PDZD7: variants seen among roughly 807,000 people sequenced by gnomAD.
PDZD7 encodes the protein PDZ domain-containing protein 7.
A neutral mutation model predicts 84.7 loss-of-function variants in PDZD7; 72 were observed. The ratio of observed to expected loss-of-function variants is 0.85; its 90% CI spans 0.70 to 1.03. The LOEUF (loss-of-function observed/expected upper bound fraction) is 1.03. Ranked by LOEUF, PDZD7 falls within the 50% of genes least tolerant of loss-of-function variation. PDZD7 has a pLI of 0.00. For synonymous variants in PDZD7, 594 were observed against 580.7 expected (o/e 1.02, Z -0.33); for missense variants, 1,490 against 1,412.9 (o/e 1.05, Z -0.87).
At position 101,007,736 on chromosome 10, in the gene PDZD7, C is replaced by T. The variant is rs757650659; in HGVS notation, c.*731G>A. The T allele has an allele frequency of 1.1e-4, 90 of 785,474 alleles. No homozygotes were observed. The highest frequency in any genetic ancestry group is 1.4e-4 in the Non-Finnish European group (86 of 631,088). 48.7% of individuals were successfully genotyped at this position (785,474 alleles called of 1,614,324 possible). Reference sequence around the variant, plus strand: ...TGACCAAGCAGCCTCTCCCTTCACCCAGGTTTATGGCCTCGTTTTCACTTG... The same window carrying T: ...TGACCAAGCAGCCTCTCCCTTCACCTAGGTTTATGGCCTCGTTTTCACTTG... On this transcript the variant is annotated 3_prime_UTR_variant, in exon 17 of 17. Transcript: ENST00000619208.
intron 8 of PDZD7, among the ~76,000 whole-genome samples, 154 bp downstream of exon 8, chr10:101,018,668 G>A (rs891258384): frequency 3.9e-5 from 6 of 152,194 alleles, no homozygotes; most frequent in Non-Finnish European, 7.3e-5. Flanking sequence ...TTAAAGTGGA[G>A]CCCACAGCAG....
In PDZD7 at chr10:101,008,542, T is replaced by C. The variant is rs1336465020; in HGVS notation, c.3027A>G (p.Pro1009=). Residue 1009 remains proline, a synonymous_variant, in exon 17 of 17, where the codon CCA becomes CCG. Coordinates refer to ENST00000619208, the MANE Select transcript of PDZD7 (RefSeq NM_001195263.2). ...CTGGGGAGGGGGCTGGGCTGGGAGT[T>C]GGCTGGAGGAGCCTGGCATCAGTGG... ...TPPTDARLLQ[P]TPSPAPSPAL... 10 of 1,534,774 alleles carry C rather than the reference T, an allele frequency of 6.5e-6. No individual in the cohort carries two copies. The highest frequency in any genetic ancestry group is 7.9e-6 in the Non-Finnish European group (9 of 1,146,456).
intron 1 of PDZD7, 114 bp from the exon 2 acceptor site, chr10:101,030,498 C>T (rs1938070732): frequency 1.7e-6 from 1 of 599,930 alleles, no homozygotes; most frequent in Non-Finnish European, 3.0e-6. Flanking sequence ...CCTTAGGCCC[C>T]CCTCCTGTCT....
rs1491557241 is a variant in PDZD7, at chr10:101,007,887, CCA to C, written c.*578_*579del. On this transcript the variant is annotated 3_prime_UTR_variant, in exon 17 of 17. Transcript: ENST00000619208. ...AGGAACTTGTTTGACCCCCCCCCCC[CCA>C]CCATTTGCTGGCTATTCTCCTCCCC... 9.7e-6 allele frequency: 1 copy of C among 102,902 alleles called. No individual in the cohort carries two copies. Among genetic ancestry groups the C allele is most frequent in the African/African-American group, 3.8e-5 (1 of 26,662 alleles). The allele number at this position is 102,902 out of a possible 1,614,324, so 6.4% of individuals were successfully genotyped here. A position where few individuals can be genotyped will look rare whatever the true frequency, so the allele number is the denominator to read the frequency against.
chr10:101,017,374 C>G (rs549289368), intron 9 of PDZD7: 1 of 430,284 alleles, frequency 2.3e-6, no homozygotes, highest in East Asian at 3.7e-5. Flanking sequence ...TGAGCCAAGA[C>G]GTGCTTTATT....
intron 3 of PDZD7, 23 bp from the exon 4 acceptor site, chr10:101,023,633 C>A: frequency 6.2e-7 from 1 of 1,608,608 alleles, no homozygotes; most frequent in South Asian, 1.1e-5. Context: ...ATGGGAGTGG[C>A]TGGCATGGGT....
In PDZD7 at chr10:101,023,070, CTTTTTTTTTTTTTTT is replaced by C. The variant is rs1161602421; in HGVS notation, c.542+351_542+365del. ...TACAGGCTTGAGCCACCATGCCCGGCTTTTTTTTTTTTTTTTTTTTTTTTTTTAGAGAAGGGGTCT... is the reference window on the plus strand; with the variant it reads ...TACAGGCTTGAGCCACCATGCCCGGCTTTTTTTTTTTTAGAGAAGGGGTCT... On this transcript the variant is annotated intron_variant, in intron 4 of 16. Coordinates refer to ENST00000619208, the MANE Select transcript of PDZD7 (RefSeq NM_001195263.2). 33 of 127,872 alleles carry C rather than the reference CTTTTTTTTTTTTTTT, an allele frequency of 2.6e-4. No individual in the cohort carries two copies. In the East Asian group the frequency reaches 3.0e-3, roughly 12 times the overall value. The allele number at this position is 127,872 out of a possible 1,614,324, so 7.9% of individuals were successfully genotyped here.
intron 2 of PDZD7, among the ~76,000 whole-genome samples, chr10:101,025,269 ATGCAATCTCGGTTCAC>A (rs1937623758): frequency 6.6e-6 from 1 of 151,328 alleles, no homozygotes; most frequent in African/African-American, 2.4e-5. Flanking sequence ...GAGTGCAGTG[ATGCAATCTCGGTTCAC>A]TGCAACTTCG....
Position 101,012,251 on chromosome 10 carries a change from T to A in PDZD7, c.1757A>T (p.His586Leu). Reference sequence around the variant, plus strand: ...CACCAGGTCCTCTATGCCTCCCTCGTGCACATACTGCAGATAGAGGCAGCA... The same window carrying A: ...CACCAGGTCCTCTATGCCTCCCTCGAGCACATACTGCAGATAGAGGCAGCA... Reference protein sequence around the residue: ...AVTRHCSRYVHEGGIEDLVRP... With the variant: ...AVTRHCSRYVLEGGIEDLVRP... Residue 586 changes from histidine (H) to leucine (L), a missense_variant, in exon 12 of 17, where the codon CAC becomes CTC. Physicochemically the swap from His to Leu is moderately conservative, Grantham distance 99. Coordinates refer to ENST00000619208, the MANE Select transcript of PDZD7 (RefSeq NM_001195263.2). 1 of 1,549,892 alleles carries A rather than the reference T, an allele frequency of 6.5e-7. No individual in the cohort carries two copies. The highest frequency in any genetic ancestry group is 8.7e-7 in the Non-Finnish European group (1 of 1,146,874).
intron 8 of PDZD7, 89 bp from the exon 9 acceptor site, chr10:101,018,385 G>A (rs1298976575): frequency 4.2e-6 from 6 of 1,424,590 alleles, no homozygotes; most frequent in Non-Finnish European, 5.9e-6. Flanking sequence ...ACAGAGAGAA[G>A]GGAGAGGAGA....
rs201285908 is a variant in PDZD7 at position 101,021,896 on chromosome 10, G to T, written c.769C>A (p.Gln257Lys). The change falls in exon 6 of 17, where the codon CAG (glutamine) becomes AAG (lysine). Residue 257 changes from glutamine (Q) to lysine (K), a missense_variant. Transcript: ENST00000619208. ...AEENGIKVGD[Q>K]VLAANGVRFD... ...CTGACACCGTTGGCTGCCAGGACCT[G>T]GTCCCCCACCTTGATGCCATTCTCC... is the stretch of plus-strand genomic sequence containing the variant. 1.9e-5 allele frequency: 30 copies of T among 1,614,090 alleles called. No homozygotes were observed. The highest frequency in any genetic ancestry group is 3.3e-5 in the Admixed American group (2 of 60,022).
In PDZD7 at chr10:101,014,270, C is replaced by G. The variant is rs576895801; in HGVS notation, c.1749+1366G>C. 9.9e-5 allele frequency among the ~76,000 whole-genome samples: 15 copies of G among 152,254 alleles called. No individual in the cohort carries two copies. In the East Asian group the frequency reaches 2.9e-3, roughly 29 times the overall value. On this transcript the variant is annotated intron_variant, in intron 11 of 16. Transcript: ENST00000619208. ...CTACATGCCCCAGTCACTAGGAGAA[C>G]TTTACTCATCACTCCAGCCAGGGCT...
At chr10:101,017,277 T>G (rs1411328334) in intron 9 of PDZD7, 3 of 252,340 alleles carry the variant, frequency 1.2e-5, no homozygotes, top group African/African-American at 6.7e-5. Context: ...AGCCCCACAA[T>G]AGCGAAGTCA....
intron 16 of PDZD7, 54 bp from the exon 17 acceptor site, chr10:101,008,904 GC>G: frequency 6.9e-7 from 1 of 1,447,034 alleles, no homozygotes; most frequent in South Asian, 1.4e-5. Flanking sequence ...CCCTGCATCA[GC>G]CCCCAACCTG....
chr10:101,016,239 A>T (rs1852619105), intron 10 of PDZD7, 138 bp downstream of exon 10: 1 of 872,492 alleles, frequency 1.1e-6, no homozygotes, highest in Admixed American at 2.0e-5. Context: ...CCCCCAATAC[A>T]TACCATTCTA....
chr10:101,018,214 G>T lies in PDZD7; in HGVS notation c.1407C>A (p.Asn469Lys). ...GALQRSKTLM[N>K]LFFKGGRQGR... ...CCTGCCGCCCTCCCTTGAAGAAGAG[G>T]TTCATCAGCGTCTTGGAGCGCTGCA... Residue 469 changes from asparagine (N) to lysine (K), a missense_variant, in exon 9 of 17, where the codon AAC becomes AAA. Asn to Lys is a moderately conservative substitution (Grantham distance 94). Coordinates refer to ENST00000619208, the MANE Select transcript of PDZD7 (RefSeq NM_001195263.2). 6.2e-7 allele frequency: 1 copy of T among 1,614,196 alleles called. No homozygotes were observed. Among genetic ancestry groups the T allele is most frequent in the Non-Finnish European group, 8.5e-7 (1 of 1,180,040 alleles).
At position 101,015,711 on chromosome 10, in the gene PDZD7, C is replaced by CCGCCGG; in HGVS notation, c.1668_1673dup (p.Arg557_Arg558dup). On this transcript the variant is annotated inframe_insertion, in exon 11 of 17. Coordinates refer to ENST00000619208, the MANE Select transcript of PDZD7 (RefSeq NM_001195263.2). ...TCTGGGCCAGGTCCTGAATGAGGGG[C>CCGCCGG]CGCCGGCTCTCCCAGGCCTGAACCT... 1.3e-6 allele frequency: 2 copies of CCGCCGG among 1,550,322 alleles called. No homozygotes were observed. Among genetic ancestry groups the CCGCCGG allele is most frequent in the Non-Finnish European group, 1.7e-6 (2 of 1,146,958 alleles).
Position 101,011,050 on chromosome 10 carries a change from CTTAT to C in PDZD7, c.2006-171_2006-168del. The C allele has an allele frequency of 3.0e-6, 4 of 1,354,694 alleles. No homozygotes were observed. In the East Asian group the frequency reaches 1.0e-4, roughly 36 times the overall value. 83.9% of individuals were successfully genotyped at this position (1,354,694 alleles called of 1,614,324 possible). ...AGACAGACATGTTCTATTAGAATCG[CTTAT>C]TTATTTATTTGAGATGGAATCTCAC... On this transcript the variant is annotated intron_variant, in intron 14 of 16. Transcript: ENST00000619208.
At chr10:101,022,917 C>T (rs555491578) in intron 4 of PDZD7, among the ~76,000 whole-genome samples, 1 of 152,154 alleles carries the variant, frequency 6.6e-6, no homozygotes, top group Non-Finnish European at 1.5e-5. Context: ...GGATTACAGG[C>T]ATGCTCCACC....
Sources: allele counts gnomAD v4.1 joint callset (sites outside exome capture counted in the v4.1 genomes callset), GRCh38; gene constraint gnomAD v4.1.1; transcripts MANE v1.5; gene names NCBI Gene and HGNC (gene_info 2026-07-23, HGNC 2026-07-21).